TXNDC12: variants seen among roughly 807,000 people sequenced by gnomAD.
TXNDC12 encodes thioredoxin domain containing 12.
Under a neutral mutation model 24.2 loss-of-function variants are expected in TXNDC12, and 22 were observed. The ratio of observed to expected loss-of-function variants is 0.91; its 90% confidence interval spans 0.65 to 1.30. The LOEUF (loss-of-function observed/expected upper bound fraction) is 1.30. Ranked by LOEUF, TXNDC12 falls within the 50% of genes most tolerant of loss-of-function variation. The probability of loss-of-function intolerance (pLI) is 0.00; values close to 1 mark genes in which losing one functional copy is unlikely to be tolerated. For synonymous variants in TXNDC12, 58 were observed against 73.4 expected, an observed-to-expected ratio of 0.79 and a Z score of 1.07; for missense variants, 184 against 205.8, an observed-to-expected ratio of 0.89 and a Z score of 0.65.
intron 2 of TXNDC12, among the ~76,000 whole-genome samples, chr1:52,040,942 C>G (rs1395437256): frequency 1.3e-5 from 2 of 150,984 alleles, no homozygotes; most frequent in African/African-American, 4.9e-5. Flanking sequence ...TGAGGCTTGA[C>G]AAGAATTGCT....
intron 2 of TXNDC12, chr1:52,032,735 T>C (rs747995074): frequency 6.2e-7 from 1 of 1,613,386 alleles, no homozygotes; most frequent in South Asian, 1.1e-5. Flanking sequence ...AGAAACATGT[T>C]GGCCAGTTGC....
Position 52,024,499 on chromosome 1 carries a change from A to T in TXNDC12, c.355+11T>A, listed in dbSNP as rs1685645866. 4 of 1,605,714 alleles carry T rather than the reference A, an allele frequency of 2.5e-6. No individual in the cohort carries two copies. The highest frequency in any genetic ancestry group is 3.4e-6 in the Non-Finnish European group (4 of 1,172,970). On this transcript the variant is annotated intron_variant, in intron 5 of 6. Transcript: ENST00000371626. Reference sequence around the variant, plus strand: ...CATCATGGATTCCCAGGTTAAGATCATGTGCCTTACCCAGAAAAAGGATTC... The same window carrying T: ...CATCATGGATTCCCAGGTTAAGATCTTGTGCCTTACCCAGAAAAAGGATTC...
chr1:52,027,197 G>A (rs954368266), intron 4 of TXNDC12, 78 bp downstream of exon 4: 1 of 1,097,654 alleles, frequency 9.1e-7, no homozygotes, highest in Middle Eastern at 2.8e-4. Flanking sequence ...TAATGAAGCT[G>A]TAATGAATAT....
Position 52,027,353 on chromosome 1 carries a change from G to C in TXNDC12, c.212-5C>G. ...CTGCAAATTTGGGCTTTAGAGCTGGGGGGAAAAAGATTTTGGAATAGAAGA... is the reference window on the plus strand; with the variant it reads ...CTGCAAATTTGGGCTTTAGAGCTGGCGGGAAAAAGATTTTGGAATAGAAGA... On this transcript the variant is annotated splice_region_variant and splice_polypyrimidine_tract_variant and intron_variant, in intron 3 of 6. Coordinates refer to ENST00000371626, the MANE Select transcript of TXNDC12 (RefSeq NM_015913.4). 6.2e-7 allele frequency: 1 copy of C among 1,607,768 alleles called. No homozygotes were observed. The highest frequency in any genetic ancestry group is 8.5e-7 in the Non-Finnish European group (1 of 1,175,054).
At position 52,022,637 on chromosome 1, in the gene TXNDC12, T is replaced by G. The variant is rs1031878253; in HGVS notation, c.439+854A>C. Among the ~76,000 whole-genome samples the G allele has an allele frequency of 1.6e-3, 223 of 140,808 alleles. 2 individuals are homozygous for G. The East Asian group carries it at 0.023, about 14-fold the overall frequency. The allele number at this position is 140,808 out of a possible 152,430, so 92.4% of individuals were successfully genotyped here. Reference sequence around the variant, plus strand: ...GTTTACGTTTCGGGGTTTTTTTGGTTTTTTTTTTTTTTTTTTTTTGAGACA... The same window carrying G: ...GTTTACGTTTCGGGGTTTTTTTGGTGTTTTTTTTTTTTTTTTTTTGAGACA... On this transcript the variant is annotated intron_variant, in intron 6 of 6. Transcript: ENST00000371626.
chr1:52,024,088 A>G (rs80038345), intron 5 of TXNDC12, among the ~76,000 whole-genome samples: 1 of 150,810 alleles, frequency 6.6e-6, no homozygotes, highest in Admixed American at 6.6e-5. Flanking sequence ...TTGACCTCCC[A>G]GGCTCAATTG....
rs1215302963 is a variant in TXNDC12 at position 52,020,349 on chromosome 1, A to C, written c.*584T>G. 4.9e-6 allele frequency: 2 copies of C among 405,602 alleles called. No individual in the cohort carries two copies. Among genetic ancestry groups the C allele is most frequent in the Non-Finnish European group, 9.7e-6 (2 of 206,870 alleles). The allele number at this position is 405,602 out of a possible 1,614,324, so 25.1% of individuals were successfully genotyped here. ...GCACACGCATGCGTGCAAACAGGGA[A>C]GCTCAAGCATGAGAAGAGGAAAGAG... On this transcript the variant is annotated 3_prime_UTR_variant, in exon 7 of 7. Coordinates refer to ENST00000371626, the MANE Select transcript of TXNDC12 (RefSeq NM_015913.4).
intron 1 of TXNDC12, among the ~76,000 whole-genome samples, chr1:52,042,736 C>T (rs1003651906): frequency 6.6e-6 from 1 of 152,152 alleles, no homozygotes; most frequent in African/African-American, 2.4e-5. Flanking sequence ...GATTCTCCTG[C>T]CTCAGTCTCC....
At chr1:52,031,160 CT>C (rs10712931) in intron 2 of TXNDC12, among the ~76,000 whole-genome samples, 7,795 of 138,562 alleles carry the variant, frequency 0.056, 194 homozygotes, top group East Asian at 0.13. Flanking sequence ...TTCATCCTAT[CT>C]TTTTTTTTTT....
At chr1:52,036,544 T>C (rs1187352762) in intron 2 of TXNDC12, among the ~76,000 whole-genome samples, 1 of 152,160 alleles carries the variant, frequency 6.6e-6, no homozygotes, top group Non-Finnish European at 1.5e-5. Flanking sequence ...CAGGCACACT[T>C]GGTGTAACTT....
intron 1 of TXNDC12, among the ~76,000 whole-genome samples, chr1:52,048,440 C>T (rs1686138343): frequency 1.4e-5 from 2 of 147,724 alleles, no homozygotes; most frequent in South Asian, 2.1e-4. Flanking sequence ...CACTCTAGCT[C>T]GGGCAACAGA....
intron 1 of TXNDC12, 24 bp downstream of exon 1, chr1:52,054,976 G>A: frequency 1.9e-6 from 3 of 1,547,198 alleles, no homozygotes; most frequent in South Asian, 2.2e-5. Context: ...GATCAGTAAA[G>A]AGAAGATAAG....
At position 52,023,513 on chromosome 1, in the gene TXNDC12, A is replaced by G. The variant is rs116861599; in HGVS notation, c.417T>C (p.Tyr139=). 937 of 1,614,100 alleles carry G rather than the reference A, an allele frequency of 5.8e-4. 16 individuals carry two copies. In the East Asian group the frequency reaches 0.019, roughly 32 times the overall value. The change falls in exon 6 of 7, where the codon TAT becomes TAC. Residue 139 remains tyrosine (Y), a synonymous_variant. Coordinates refer to ENST00000371626, the MANE Select transcript of TXNDC12 (RefSeq NM_015913.4). ...TACCTTGCTCGGCACTGACATAAAA[A>G]TACTTGTAGCTGGGGTTTCCATTCT... The part of the protein sequence containing the change: ...INENGNPSYK[Y]FYVSAEQVVQ...
At position 52,028,477 on chromosome 1, in the gene TXNDC12, C is replaced by T. The variant is rs544751548; in HGVS notation, c.211+101G>A. On this transcript the variant is annotated intron_variant, in intron 3 of 6. Transcript: ENST00000371626. Reference sequence around the variant, plus strand: ...ATATGTTTCTTTAGTATTCCTTAAACAGTCAGTAGTGCTGGGCCAGAGTCA... The same window carrying T: ...ATATGTTTCTTTAGTATTCCTTAAATAGTCAGTAGTGCTGGGCCAGAGTCA... The T allele has an allele frequency of 5.7e-6, 5 of 869,994 alleles. No individual in the cohort carries two copies. In the East Asian group the frequency reaches 7.7e-5, roughly 13 times the overall value. 53.9% of individuals were successfully genotyped at this position (869,994 alleles called of 1,614,324 possible). A position where few individuals can be genotyped will look rare whatever the true frequency, so the allele number is the denominator to read the frequency against.
At position 52,055,088 on chromosome 1, in the gene TXNDC12, C is replaced by T. The variant is rs1686309764; in HGVS notation, c.9G>A (p.Thr3=). 6.2e-7 allele frequency: 1 copy of T among 1,613,800 alleles called. No individual in the cohort carries two copies. Among genetic ancestry groups the T allele is most frequent in the Non-Finnish European group, 8.5e-7 (1 of 1,179,832 alleles). Residue 3 remains threonine (T), a synonymous_variant, in exon 1 of 7, where the codon ACG becomes ACA. Coordinates refer to ENST00000371626, the MANE Select transcript of TXNDC12 (RefSeq NM_015913.4). ...AACAGGTGGCCCCGAGACGAGGCCG[C>T]GTCTCCATGGCAGTAGGTGCGCGGG... ME[T]RPRLGATCLL... is the part of the protein sequence containing the mutation.
At chr1:52,033,608 A>T in intron 2 of TXNDC12, 1 of 1,612,968 alleles carries the variant, frequency 6.2e-7, no homozygotes, top group Non-Finnish European at 8.5e-7. Context: ...TCACGGGCAG[A>T]ATCGCCGTAC....
At chr1:52,047,243 C>T (rs1381947993) in intron 1 of TXNDC12, among the ~76,000 whole-genome samples, 1 of 152,026 alleles carries the variant, frequency 6.6e-6, no homozygotes, top group East Asian at 1.9e-4. Flanking sequence ...TATCAGGTAA[C>T]AACAGGAAAG....
At position 52,041,524 on chromosome 1, in the gene TXNDC12, C is replaced by T; in HGVS notation, c.158+13G>A. ...TTTTACCACCATAAATGACCTAAAA[C>T]CATGTCTTGTACCTGGCAGCTGCTT... On this transcript the variant is annotated intron_variant, in intron 2 of 6. Coordinates refer to ENST00000371626, the MANE Select transcript of TXNDC12 (RefSeq NM_015913.4). 1 of 1,602,342 alleles carries T rather than the reference C, an allele frequency of 6.2e-7. No homozygotes were observed. The highest frequency in any genetic ancestry group is 8.5e-7 in the Non-Finnish European group (1 of 1,170,446).
chr1:52,040,796 C>T (rs1163369289), intron 2 of TXNDC12, among the ~76,000 whole-genome samples: 2 of 151,720 alleles, frequency 1.3e-5, no homozygotes, highest in African/African-American at 4.8e-5. Flanking sequence ...TTTGGGAGGC[C>T]GAGGCAGGTG....
Sources: gnomAD v4.1 joint callset for allele counts (sites outside exome capture counted in the v4.1 genomes callset) on GRCh38, gnomAD v4.1.1 for gene constraint, MANE v1.5 for transcripts, NCBI Gene and HGNC (gene_info 2026-07-23, HGNC 2026-07-21) for gene names.